The following ZCCHC7 variants were observed in gnomAD, a reference collection of about 807,000 sequenced individuals.
ZCCHC7 encodes zinc finger CCHC domain-containing protein 7.
ZCCHC7 carries 35 observed loss-of-function variants against 52.0 expected under a neutral mutation model. The ratio of observed to expected loss-of-function variants is 0.67; its 90% CI spans 0.51 to 0.89. The LOEUF is 0.89. Ranked by LOEUF, ZCCHC7 falls within the 40% of genes least tolerant of loss-of-function variation. The pLI is 0.00. For missense variants in ZCCHC7, 574 were observed against 649.1 expected, an observed-to-expected ratio of 0.88 and a Z score of 1.26; for synonymous variants, 217 against 221.5, an observed-to-expected ratio of 0.98 and a Z score of 0.18.
chr9:37,252,551 C>G (rs929721463), intron 2 of ZCCHC7, among the ~76,000 whole-genome samples: 2 of 152,148 alleles, frequency 1.3e-5, no homozygotes, highest in African/African-American at 2.4e-5. Context: ...AATGTAAACA[C>G]AGTAGTCTCC....
At chr9:37,228,835 C>CTT (rs573237575) in intron 2 of ZCCHC7, among the ~76,000 whole-genome samples, 36 of 130,468 alleles carry the variant, frequency 2.8e-4, no homozygotes, top group East Asian at 8.8e-4. Flanking sequence ...AAAGAGGGAA[C>CTT]TTTTTTTTTT....
Position 37,208,699 on chromosome 9 carries a change from C to T in ZCCHC7, c.610+81757C>T, listed in dbSNP as rs118124090. 8.4e-3 allele frequency among the ~76,000 whole-genome samples: 1,285 copies of T among 152,274 alleles called. 5 individuals carry two copies. Among genetic ancestry groups the T allele is most frequent in the Non-Finnish European group, 0.013 (888 of 68,022 alleles). ...AGAATCAGAACCTGGTTACTTCTTA[C>T]CCATCTACTCTGCCATCACTTTGTT... On this transcript the variant is annotated intron_variant, in intron 2 of 8. Coordinates refer to ENST00000336755, the MANE Select transcript of ZCCHC7 (RefSeq NM_032226.3).
At chr9:37,251,758 G>A (rs1226843469) in intron 2 of ZCCHC7, among the ~76,000 whole-genome samples, 3 of 152,182 alleles carry the variant, frequency 2.0e-5, no homozygotes, top group Non-Finnish European at 4.4e-5. Flanking sequence ...CCCAGTGAAA[G>A]CTATTGTAGG....
intron 7 of ZCCHC7, among the ~76,000 whole-genome samples, chr9:37,352,244 A>G (rs891843455): frequency 6.6e-6 from 1 of 152,192 alleles, no homozygotes; most frequent in Non-Finnish European, 1.5e-5. Context: ...TTCCCTTTCA[A>G]TGTCAGAAAT....
chr9:37,159,368 A>G (rs1003670572), intron 2 of ZCCHC7, among the ~76,000 whole-genome samples: 3 of 152,224 alleles, frequency 2.0e-5, no homozygotes, highest in African/African-American at 4.8e-5. Context: ...TTACCCTGTA[A>G]CATTTTAAAT....
chr9:37,129,879 GA>G (rs1842699667), intron 2 of ZCCHC7, among the ~76,000 whole-genome samples: 1 of 152,042 alleles, frequency 6.6e-6, no homozygotes, highest in African/African-American at 2.4e-5. Context: ...AACATTTATT[GA>G]GCATCTCCTC....
chr9:37,224,263 T>G (rs965019468), intron 2 of ZCCHC7, among the ~76,000 whole-genome samples: 1 of 152,188 alleles, frequency 6.6e-6, no homozygotes, highest in Non-Finnish European at 1.5e-5. Flanking sequence ...ATTAGCTCCA[T>G]GTACTGGTAA....
At chr9:37,139,497 GTAA>G (rs1462336936) in intron 2 of ZCCHC7, among the ~76,000 whole-genome samples, 1 of 151,956 alleles carries the variant, frequency 6.6e-6, no homozygotes, top group East Asian at 1.9e-4. Context: ...GATTCTAAAT[GTAA>G]TAATTATTTT....
intron 2 of ZCCHC7, among the ~76,000 whole-genome samples, chr9:37,263,404 G>A (rs561640559): frequency 1.8e-4 from 27 of 151,054 alleles, no homozygotes; most frequent in Admixed American, 1.1e-3. Flanking sequence ...GGTTTTTATC[G>A]TATTTCCCAT....
At chr9:37,316,261 T>C (rs184360917) in intron 5 of ZCCHC7, among the ~76,000 whole-genome samples, 13 of 151,560 alleles carry the variant, frequency 8.6e-5, no homozygotes, top group Non-Finnish European at 1.8e-4. Flanking sequence ...GGTTTCGCCA[T>C]GTTGTCCAGG....
At chr9:37,199,662 G>GTTTC (rs1823503804) in intron 2 of ZCCHC7, among the ~76,000 whole-genome samples, 1 of 124,356 alleles carries the variant, frequency 8.0e-6, no homozygotes, top group African/African-American at 3.3e-5. Context: ...CTGTCTGTCT[G>GTTTC]TCTGTCTTTC....
chr9:37,250,720 G>A (rs1294458494), intron 2 of ZCCHC7, among the ~76,000 whole-genome samples: 1 of 152,058 alleles, frequency 6.6e-6, no homozygotes. Context: ...TAGCTTGTTG[G>A]TTTTTACTTA....
At chr9:37,155,490 A>G (rs1173194178) in intron 2 of ZCCHC7, among the ~76,000 whole-genome samples, 2 of 152,230 alleles carry the variant, frequency 1.3e-5, no homozygotes, top group Non-Finnish European at 2.9e-5. Context: ...TTAATTAAAT[A>G]TATTCTAGTA....
intron 2 of ZCCHC7, among the ~76,000 whole-genome samples, chr9:37,287,748 A>G (rs1276368317): frequency 6.6e-6 from 1 of 152,194 alleles, no homozygotes; most frequent in Non-Finnish European, 1.5e-5. Flanking sequence ...TACTTATTAT[A>G]GGTACATTTA....
chr9:37,190,543 A>G (rs959215513), intron 2 of ZCCHC7, among the ~76,000 whole-genome samples: 4 of 152,226 alleles, frequency 2.6e-5, no homozygotes, highest in African/African-American at 9.7e-5. Flanking sequence ...TTTATGCATC[A>G]TCCAGGTTTT....
chr9:37,208,273 T>C (rs1325593109), intron 2 of ZCCHC7, among the ~76,000 whole-genome samples: 1 of 152,088 alleles, frequency 6.6e-6, no homozygotes, highest in Non-Finnish European at 1.5e-5. Context: ...TTAGTACAGA[T>C]GGGGTTTCAC....
At chr9:37,143,205 T>C (rs941085611) in intron 2 of ZCCHC7, among the ~76,000 whole-genome samples, 3 of 151,840 alleles carry the variant, frequency 2.0e-5, no homozygotes, top group Non-Finnish European at 4.4e-5. Context: ...CTTCCTTTTT[T>C]CTTTTGGCAG....
chr9:37,133,859 A>G (rs560239473), intron 2 of ZCCHC7, among the ~76,000 whole-genome samples: 2 of 152,134 alleles, frequency 1.3e-5, no homozygotes, highest in African/African-American at 4.8e-5. Flanking sequence ...AAAGTGCCAG[A>G]ATTATAGGCG....
At chr9:37,292,597 G>A (rs781212312) in intron 2 of ZCCHC7, among the ~76,000 whole-genome samples, 2 of 151,870 alleles carry the variant, frequency 1.3e-5, no homozygotes, top group Non-Finnish European at 2.9e-5. Context: ...TTAGAAATTA[G>A]ATAGATAAAT....
Sources: allele counts gnomAD v4.1 joint callset (sites outside exome capture counted in the v4.1 genomes callset), GRCh38; gene constraint gnomAD v4.1.1; transcripts MANE v1.5; gene names NCBI Gene and HGNC (gene_info 2026-07-23, HGNC 2026-07-21).